The following ANO4 variants were observed in gnomAD, a reference collection of about 807,000 sequenced individuals.
The protein encoded by ANO4 is anoctamin 4.
A neutral mutation model predicts 141.9 loss-of-function variants in ANO4; 69 were observed. The observed-to-expected ratio is 0.49, with a 90% CI of 0.40 to 0.59. ANO4 has a LOEUF of 0.59. Ranked by LOEUF, ANO4 falls within the 20% of genes least tolerant of loss-of-function variation. ANO4 has a pLI of 0.00. For missense variants in ANO4, 894 were observed against 1,162.2 expected, an observed-to-expected ratio of 0.77 and a Z score of 3.36; for synonymous variants, 350 against 394.3, an observed-to-expected ratio of 0.89 and a Z score of 1.33.
At chr12:101,018,262 C>T (rs374918722) in intron 8 of ANO4, among the ~76,000 whole-genome samples, 13 of 152,308 alleles carry the variant, frequency 8.5e-5, no homozygotes, top group African/African-American at 2.6e-4. Flanking sequence ...CGGTTTTCTC[C>T]TCTTCCTCTT....
chr12:100,829,624 T>C (rs2036536993), intron 1 of ANO4, among the ~76,000 whole-genome samples: 1 of 152,082 alleles, frequency 6.6e-6, no homozygotes, highest in Non-Finnish European at 1.5e-5. Flanking sequence ...GAATAAGATA[T>C]TTTTGTTACT....
chr12:100,719,254 A>G (rs1300941356), intron 1 of ANO4, among the ~76,000 whole-genome samples: 1 of 152,230 alleles, frequency 6.6e-6, no homozygotes, highest in African/African-American at 2.4e-5. Context: ...AAAATGATGC[A>G]TATACTTGGC....
At chr12:101,068,860 G>A in intron 14 of ANO4, 1 of 910,932 alleles carries the variant, frequency 1.1e-6, no homozygotes, top group African/African-American at 1.6e-5. Flanking sequence ...GAAAGTAGAG[G>A]GTTGAATCTC....
upstream of ANO4, among the ~76,000 whole-genome samples, chr12:100,790,866 A>G (rs1410032594): frequency 6.6e-6 from 1 of 152,210 alleles, no homozygotes; most frequent in East Asian, 1.9e-4. Context: ...CTTTGGGGAA[A>G]TTATTAGCAG....
At chr12:100,933,054 G>C (rs755892563) in intron 3 of ANO4, among the ~76,000 whole-genome samples, 1 of 151,164 alleles carries the variant, frequency 6.6e-6, no homozygotes, top group Non-Finnish European at 1.5e-5. Context: ...ATGAAATGCA[G>C]ATCTATTACT....
intron 8 of ANO4, among the ~76,000 whole-genome samples, chr12:100,991,296 T>C (rs1170934450): frequency 2.6e-5 from 4 of 152,012 alleles, no homozygotes; most frequent in Non-Finnish European, 5.9e-5. Context: ...GTTTTGAGAG[T>C]GACATTAATG....
rs1427742027 is a variant in ANO4 at position 101,083,690 on chromosome 12, C to A, written c.1408C>A (p.Pro470Thr). The A allele has an allele frequency of 6.2e-7, 1 of 1,607,268 alleles. No individual in the cohort carries two copies. Among genetic ancestry groups the A allele is most frequent in the South Asian group, 1.1e-5 (1 of 89,026 alleles). ...GCTTGTCCTTTAGGAAGAAATACGA[C>A]CCCAGTTTGAAGCCAAGTATTCCAA... ...DWEEEEEEIR[P>T]QFEAKYSKKE... The change falls in exon 16 of 28, where the codon CCC becomes ACC. Residue 470 changes from proline (P) to threonine (T), a missense_variant. By Grantham distance (38) the Pro-to-Thr change is conservative. Coordinates refer to ENST00000392977, the MANE Select transcript of ANO4 (RefSeq NM_001286615.2).
chr12:100,801,003 C>G lies in ANO4; in HGVS notation c.-141+5976C>G, dbSNP rs2034648106. ...TGGAAGTGTTTTGACACTTGCCATC[C>G]TTATTGACTTCTTTTGCCCAGAGCT... On this transcript the variant is annotated intron_variant, in intron 1 of 27. Coordinates refer to ENST00000392977, the MANE Select transcript of ANO4 (RefSeq NM_001286615.2). Among the ~76,000 whole-genome samples the G allele has an allele frequency of 2.0e-5, 3 of 152,108 alleles. No individual in the cohort carries two copies. In the South Asian group the frequency reaches 6.2e-4, roughly 32 times the overall value.
chr12:101,091,607 A>G (rs748320219), intron 17 of ANO4, among the ~76,000 whole-genome samples: 7 of 152,206 alleles, frequency 4.6e-5, no homozygotes, highest in Non-Finnish European at 8.8e-5. Flanking sequence ...TCGTGACCCA[A>G]TATAGATTTT....
At chr12:100,910,880 G>A (rs1035196818) in intron 2 of ANO4, among the ~76,000 whole-genome samples, 2 of 152,086 alleles carry the variant, frequency 1.3e-5, no homozygotes, top group South Asian at 2.1e-4. Context: ...TTCTAATACA[G>A]GTTCTTTTAT....
At chr12:100,724,523 A>G (rs868711264) in intron 1 of ANO4, among the ~76,000 whole-genome samples, 1 of 152,202 alleles carries the variant, frequency 6.6e-6, no homozygotes, top group Non-Finnish European at 1.5e-5. Flanking sequence ...CACATAATAA[A>G]TGAAAAAACG....
intron 1 of ANO4, among the ~76,000 whole-genome samples, chr12:100,796,490 C>T (rs961287102): frequency 6.6e-6 from 1 of 152,036 alleles, no homozygotes; most frequent in African/African-American, 2.4e-5. Flanking sequence ...TGTTGTTGTT[C>T]TGTTTTTGTT....
intron 1 of ANO4, among the ~76,000 whole-genome samples, chr12:100,879,206 C>T (rs1036200947): frequency 6.6e-5 from 10 of 152,120 alleles, no homozygotes; most frequent in Admixed American, 6.6e-4. Context: ...TGAAGCAAGC[C>T]ATTGGAACAT....
intron 3 of ANO4, among the ~76,000 whole-genome samples, chr12:100,755,898 C>T (rs569873289): frequency 6.3e-4 from 96 of 152,246 alleles, no homozygotes; most frequent in African/African-American, 2.2e-3. Flanking sequence ...TGACAGAGGA[C>T]GAGTCTTCCA....
At chr12:100,974,777 T>C in intron 6 of ANO4, 68 bp from the exon 7 acceptor site, 1 of 1,529,986 alleles carries the variant, frequency 6.5e-7, no homozygotes, top group Non-Finnish European at 9.1e-7. Context: ...TTTCCTTCCT[T>C]GCTAGTTCAA....
At chr12:100,781,860 T>A (rs562621215) in intron 3 of ANO4, among the ~76,000 whole-genome samples, 1 of 152,356 alleles carries the variant, frequency 6.6e-6, no homozygotes, top group African/African-American at 2.4e-5. Context: ...TCAGAGCTTC[T>A]TATCAGCATG....
intron 1 of ANO4, among the ~76,000 whole-genome samples, chr12:100,857,030 G>C (rs1855597779): frequency 6.6e-6 from 1 of 152,082 alleles, no homozygotes; most frequent in South Asian, 2.1e-4. Context: ...GATTTAAGAT[G>C]GTAGTGGTTT....
At chr12:100,846,721 TC>T (rs1481761916) in intron 1 of ANO4, among the ~76,000 whole-genome samples, 7 of 152,190 alleles carry the variant, frequency 4.6e-5, no homozygotes, top group Admixed American at 1.3e-4. Context: ...TGCATAGGTA[TC>T]CCCTGGCTAT....
At chr12:100,854,692 C>A (rs944955006) in intron 1 of ANO4, among the ~76,000 whole-genome samples, 1 of 152,180 alleles carries the variant, frequency 6.6e-6, no homozygotes, top group South Asian at 2.1e-4. Context: ...CCTTTCTACT[C>A]ATTCACTGTA....
Sources: gnomAD v4.1 joint callset for allele counts (sites outside exome capture counted in the v4.1 genomes callset) on GRCh38, gnomAD v4.1.1 for gene constraint, MANE v1.5 for transcripts, NCBI Gene and HGNC (gene_info 2026-07-23, HGNC 2026-07-21) for gene names.